Variants in SCAPER observed in about 807,000 individuals in gnomAD.
SCAPER encodes the protein S-phase cyclin A associated protein in the ER, also known as S phase cyclin A-associated protein in the endoplasmic reticulum.
A neutral mutation model predicts 182.2 loss-of-function variants in SCAPER; 98 were observed. The ratio of observed to expected loss-of-function variants is 0.54; its 90% CI spans 0.46 to 0.64. The LOEUF is 0.64. SCAPER is among the 30% of genes least tolerant of loss of function. The pLI is 0.00. For missense variants in SCAPER, 1,432 were observed against 1,690.0 expected, an observed-to-expected ratio of 0.85 and a Z score of 2.68; for synonymous variants, 605 against 564.6, an observed-to-expected ratio of 1.07 and a Z score of -1.01.
At chr15:76,404,737 C>T (rs2044704893) in intron 26 of SCAPER, 58 bp from the exon 27 acceptor site, 1 of 1,542,186 alleles carries the variant, frequency 6.5e-7, no homozygotes, top group Admixed American at 1.8e-5. Context: ...ACATCTTCAC[C>T]TTCAATGATA....
intron 25 of SCAPER, among the ~76,000 whole-genome samples, chr15:76,448,211 T>C (rs1473811265): frequency 6.6e-6 from 1 of 152,176 alleles, no homozygotes; most frequent in Admixed American, 6.5e-5. Flanking sequence ...AGTTTTCATT[T>C]TTTGAAAAAT....
chr15:76,800,569 C>T (rs1011295457), intron 6 of SCAPER, among the ~76,000 whole-genome samples: 5 of 152,128 alleles, frequency 3.3e-5, no homozygotes, highest in Admixed American at 6.5e-5. Flanking sequence ...AGTTGATAAA[C>T]GGTTCAGGAT....
At chr15:76,719,602 T>C (rs2060086906) in intron 17 of SCAPER, among the ~76,000 whole-genome samples, 2 of 152,200 alleles carry the variant, frequency 1.3e-5, no homozygotes, top group South Asian at 4.1e-4. Flanking sequence ...ATATGTTAGT[T>C]CGCTTCACTA....
In SCAPER at chr15:76,504,849, C is replaced by G. The variant is rs369088724; in HGVS notation, c.2954+10G>C. On this transcript the variant is annotated intron_variant, in intron 24 of 31. Coordinates refer to ENST00000563290, the MANE Select transcript of SCAPER (RefSeq NM_020843.4). ...GAAACGTAAAAAATAGATTAAGAAA[C>G]TATACTTACTTAGGAGGAATTCTTA... 2.8e-5 allele frequency: 44 copies of G among 1,576,544 alleles called. No homozygotes were observed. The African/African-American group carries it at 5.2e-4, about 19-fold the overall frequency.
intron 23 of SCAPER, among the ~76,000 whole-genome samples, chr15:76,530,684 T>C (rs1339567318): frequency 6.6e-6 from 1 of 152,162 alleles, no homozygotes; most frequent in African/African-American, 2.4e-5. Flanking sequence ...AGAACATCTG[T>C]TTCCTGTGAA....
intron 17 of SCAPER, among the ~76,000 whole-genome samples, chr15:76,717,542 G>A (rs1042092994): frequency 1.3e-5 from 2 of 152,050 alleles, no homozygotes; most frequent in African/African-American, 2.4e-5. Context: ...CTTGTGGGAT[G>A]GACAGTAAAA....
At chr15:76,615,248 C>A (rs1000411409) in intron 22 of SCAPER, among the ~76,000 whole-genome samples, 48 of 151,944 alleles carry the variant, frequency 3.2e-4, no homozygotes, top group South Asian at 1.9e-3. Context: ...AGTTCAAAAG[C>A]AGCCTGGGCT....
intron 4 of SCAPER, among the ~76,000 whole-genome samples, chr15:76,843,346 A>G (rs562585526): frequency 3.7e-4 from 56 of 152,338 alleles, no homozygotes; most frequent in African/African-American, 1.3e-3. Context: ...TTATCATTTA[A>G]TCATCACAAC....
intron 8 of SCAPER, among the ~76,000 whole-genome samples, chr15:76,791,154 C>T (rs2064977860): frequency 6.6e-6 from 1 of 152,162 alleles, no homozygotes; most frequent in African/African-American, 2.4e-5. Context: ...CAGCAACAAA[C>T]AGAATCATTT....
At chr15:76,518,532 G>A (rs1488134497) in intron 23 of SCAPER, among the ~76,000 whole-genome samples, 1 of 152,146 alleles carries the variant, frequency 6.6e-6, no homozygotes, top group Non-Finnish European at 1.5e-5. Flanking sequence ...GAAACAGCTA[G>A]TGATAGGCAG....
chr15:76,706,898 T>G (rs1205181717), intron 17 of SCAPER, among the ~76,000 whole-genome samples: 1 of 152,004 alleles, frequency 6.6e-6, no homozygotes, highest in African/African-American at 2.4e-5. Flanking sequence ...TGTATAAATA[T>G]ATTTTCTCTT....
intron 21 of SCAPER, among the ~76,000 whole-genome samples, chr15:76,652,271 AAAATATATATAT>A (rs2055137748): frequency 6.5e-5 from 1 of 15,364 alleles, no homozygotes; most frequent in Non-Finnish European, 1.2e-4. Flanking sequence ...AAAAAAAAAA[AAAATATATATAT>A]ATATATATAT....
intron 26 of SCAPER, among the ~76,000 whole-genome samples, chr15:76,428,893 T>TATATATATAA (rs561331843): frequency 7.2e-5 from 10 of 139,570 alleles, no homozygotes; most frequent in African/African-American, 2.7e-4. Flanking sequence ...TATATATATA[T>TATATATATAA]AAACATCAAA....
chr15:76,810,819 G>C (rs183099956), intron 5 of SCAPER, among the ~76,000 whole-genome samples: 3 of 151,968 alleles, frequency 2.0e-5, no homozygotes, highest in Admixed American at 2.0e-4. Flanking sequence ...AGAACACAAA[G>C]AGACAAAGTG....
intron 5 of SCAPER, among the ~76,000 whole-genome samples, chr15:76,838,023 C>A (rs1196346156): frequency 6.6e-6 from 1 of 152,178 alleles, no homozygotes; most frequent in Non-Finnish European, 1.5e-5. Context: ...ACAGAACTAC[C>A]ATTTGACCCA....
intron 3 of SCAPER, among the ~76,000 whole-genome samples, chr15:76,858,704 T>C (rs867072720): frequency 6.6e-6 from 1 of 152,226 alleles, no homozygotes; most frequent in Admixed American, 6.5e-5. Flanking sequence ...TTCCCACTTA[T>C]AAATGAGAAC....
chr15:76,744,608 C>T (rs1290149059), intron 15 of SCAPER, among the ~76,000 whole-genome samples: 1 of 152,040 alleles, frequency 6.6e-6, no homozygotes, highest in Non-Finnish European at 1.5e-5. Context: ...GTCAGAATGG[C>T]TATTATTAAA....
intron 24 of SCAPER, among the ~76,000 whole-genome samples, chr15:76,479,721 C>T (rs2469249): frequency 0.25 from 38,455 of 151,968 alleles, 5,812 homozygotes; most frequent in East Asian, 0.58. Context: ...AATAATATAA[C>T]TTAGAAAGTA....
chr15:76,480,298 T>A (rs980910807), intron 24 of SCAPER, among the ~76,000 whole-genome samples: 3 of 152,226 alleles, frequency 2.0e-5, no homozygotes, highest in Non-Finnish European at 4.4e-5. Flanking sequence ...ATGCTTTATC[T>A]TTATAAAGCT....
Sources: gnomAD v4.1 joint callset for allele counts (sites outside exome capture counted in the v4.1 genomes callset) on GRCh38, gnomAD v4.1.1 for gene constraint, MANE v1.5 for transcripts, NCBI Gene and HGNC (gene_info 2026-07-23, HGNC 2026-07-21) for gene names.